PACRG: variants seen among roughly 807,000 people sequenced by gnomAD.
The protein encoded by PACRG is parkin coregulated gene protein.
A neutral mutation model predicts 29.7 loss-of-function variants in PACRG; 29 were observed. That is an observed-to-expected ratio of 0.98 (90% CI 0.73 to 1.33). PACRG has a LOEUF of 1.33. Ranked by LOEUF, PACRG falls within the 40% of genes most tolerant of loss-of-function variation. The pLI is 0.00. For synonymous variants in PACRG, 116 were observed against 118.7 expected, an observed-to-expected ratio of 0.98 and a Z score of 0.15; for missense variants, 279 against 316.2, an observed-to-expected ratio of 0.88 and a Z score of 0.89.
chr6:162,905,575 C>T (rs945336438), intron 2 of PACRG, among the ~76,000 whole-genome samples: 2 of 152,054 alleles, frequency 1.3e-5, no homozygotes, highest in Admixed American at 6.6e-5. Flanking sequence ...AACCTTCTGA[C>T]GTCTGCTACT....
intron 4 of PACRG, among the ~76,000 whole-genome samples, chr6:163,274,861 C>CTTTTTTTTTTTTTTTTTTTTTTTTTTT (rs58333018): frequency 7.9e-6 from 1 of 126,324 alleles, no homozygotes; most frequent in Non-Finnish European, 1.6e-5. Flanking sequence ...TTCTTTCTTT[C>CTTTTTTTTTTTTTTTTTTTTTTTTTTT]TTTTTTTTTT....
At chr6:162,892,673 A>AC (rs2128042271) in intron 2 of PACRG, among the ~76,000 whole-genome samples, 2 of 151,692 alleles carry the variant, frequency 1.3e-5, no homozygotes, top group East Asian at 3.9e-4. Flanking sequence ...CCGCCCCCTG[A>AC]CCCCCCTACA....
chr6:163,127,379 T>C (rs1268701325), intron 4 of PACRG, among the ~76,000 whole-genome samples: 3 of 152,244 alleles, frequency 2.0e-5, no homozygotes, highest in Non-Finnish European at 4.4e-5. Context: ...GTGCTTTTAA[T>C]GGGTATTTTG....
chr6:163,117,230 T>G (rs1816045734), intron 4 of PACRG, among the ~76,000 whole-genome samples: 1 of 152,188 alleles, frequency 6.6e-6, no homozygotes, highest in South Asian at 2.1e-4. Context: ...CCAGTCACAC[T>G]TGTGAATGTG....
At chr6:163,037,330 C>T (rs1312017621) in intron 2 of PACRG, among the ~76,000 whole-genome samples, 2 of 152,224 alleles carry the variant, frequency 1.3e-5, no homozygotes, top group Admixed American at 6.5e-5. Flanking sequence ...TCACGTTGTC[C>T]TCTCTTCTCA....
At chr6:162,776,132 A>G (rs1783625052) in intron 1 of PACRG, among the ~76,000 whole-genome samples, 2 of 152,038 alleles carry the variant, frequency 1.3e-5, no homozygotes, top group Non-Finnish European at 2.9e-5. Flanking sequence ...TCTTTGCAAT[A>G]TTTTTCTCTG....
intron 4 of PACRG, among the ~76,000 whole-genome samples, chr6:163,282,885 C>A (rs1273478516): frequency 6.6e-6 from 1 of 152,216 alleles, no homozygotes; most frequent in African/African-American, 2.4e-5. Context: ...AATCATCAAG[C>A]CCTTCTACAA....
At chr6:163,252,551 T>C (rs1782950735) in intron 4 of PACRG, among the ~76,000 whole-genome samples, 1 of 152,208 alleles carries the variant, frequency 6.6e-6, no homozygotes, top group African/African-American at 2.4e-5. Context: ...AGAGGGGCAG[T>C]GCTGCAGGCG....
At chr6:163,290,128 G>A (rs1047924311) in intron 4 of PACRG, among the ~76,000 whole-genome samples, 2 of 152,108 alleles carry the variant, frequency 1.3e-5, no homozygotes, top group South Asian at 2.1e-4. Flanking sequence ...CCAGAGTGCT[G>A]GGATTACAGG....
intron 4 of PACRG, chr6:163,101,234 A>G (rs1309033264): frequency 1.0e-6 from 1 of 979,478 alleles, no homozygotes; most frequent in Non-Finnish European, 1.2e-6. Flanking sequence ...AAAACTAATG[A>G]TACAATACTG....
At chr6:162,735,471 A>G (rs962864893) in intron 1 of PACRG, among the ~76,000 whole-genome samples, 4 of 152,170 alleles carry the variant, frequency 2.6e-5, no homozygotes, top group African/African-American at 4.8e-5. Context: ...TCATTTGAAT[A>G]TTAATTTTAT....
chr6:163,104,160 A>G (rs995679341), intron 4 of PACRG, among the ~76,000 whole-genome samples: 1 of 152,248 alleles, frequency 6.6e-6, no homozygotes, highest in Admixed American at 6.5e-5. Flanking sequence ...ATGTTTTCAT[A>G]TCATCAATTT....
rs1388803394 is a variant in PACRG at position 162,948,047 on chromosome 6, T to C, written c.292-114103T>C. On this transcript the variant is annotated intron_variant, in intron 2 of 4. Transcript: ENST00000366888. ...TTTTCACAGAAAGAAAATATAATTA[T>C]AAAATGTGTATGGAACTGAAAAAGA... Among the ~76,000 whole-genome samples the C allele has an allele frequency of 2.0e-5, 3 of 151,940 alleles. No homozygotes were observed. The East Asian group carries it at 5.8e-4, about 29-fold the overall frequency.
At chr6:163,239,280 A>G (rs900763721) in intron 4 of PACRG, among the ~76,000 whole-genome samples, 5 of 152,180 alleles carry the variant, frequency 3.3e-5, no homozygotes, top group African/African-American at 1.2e-4. Context: ...ACACGGTTTT[A>G]AGTTTCCAAG....
At position 163,300,025 on chromosome 6, in the gene PACRG, A is replaced by T. The variant is rs1784926978; in HGVS notation, c.614-14802A>T. Reference sequence around the variant, plus strand: ...AGATATTTCCAAGAGGCTGGAACTAAGTGGAATGACCTATCCGGAGGCCTT... The same window carrying T: ...AGATATTTCCAAGAGGCTGGAACTATGTGGAATGACCTATCCGGAGGCCTT... On this transcript the variant is annotated intron_variant, in intron 4 of 4. Coordinates refer to ENST00000366888, the MANE Select transcript of PACRG (RefSeq NM_001080379.2). 2.0e-5 allele frequency among the ~76,000 whole-genome samples: 3 copies of T among 152,242 alleles called. No homozygotes were observed. In the South Asian group the frequency reaches 6.2e-4, roughly 31 times the overall value.
chr6:162,820,940 TAGAC>T (rs1787791745), intron 2 of PACRG, among the ~76,000 whole-genome samples: 5 of 152,104 alleles, frequency 3.3e-5, no homozygotes, highest in Non-Finnish European at 7.4e-5. Flanking sequence ...GATTAATTAA[TAGAC>T]AGAGCTTATT....
chr6:162,952,293 A>G (rs868780321), intron 2 of PACRG, among the ~76,000 whole-genome samples: 1 of 152,184 alleles, frequency 6.6e-6, no homozygotes, highest in African/African-American at 2.4e-5. Flanking sequence ...ACCTATTTAC[A>G]TCTAGTTTTT....
chr6:162,802,093 T>C (rs1195898131), intron 1 of PACRG, among the ~76,000 whole-genome samples: 4 of 152,158 alleles, frequency 2.6e-5, no homozygotes, highest in Admixed American at 6.6e-5. Flanking sequence ...CAGAATTCTA[T>C]ATATTTTTTG....
chr6:162,995,047 C>G (rs1033370302), intron 2 of PACRG, among the ~76,000 whole-genome samples: 2 of 151,340 alleles, frequency 1.3e-5, no homozygotes, highest in African/African-American at 4.9e-5. Flanking sequence ...CCCAGTTAGG[C>G]TGCTCAGGGG....
Sources: allele counts gnomAD v4.1 joint callset (sites outside exome capture counted in the v4.1 genomes callset), GRCh38; gene constraint gnomAD v4.1.1; transcripts MANE v1.5; gene names NCBI Gene and HGNC (gene_info 2026-07-23, HGNC 2026-07-21).